HTR1E: variants seen among roughly 807,000 people sequenced by gnomAD.
The protein encoded by HTR1E is 5-hydroxytryptamine receptor 1E.
A neutral mutation model predicts 3.4 loss-of-function variants in HTR1E; 3 were observed. The observed-to-expected ratio is 0.89, with a 90% CI of 0.41 to 2.31. The LOEUF (loss-of-function observed/expected upper bound fraction) is 2.31, where lower values mean the gene tolerates loss of function less well. Ranked by LOEUF, HTR1E falls within the 30% of genes most tolerant of loss-of-function variation. The probability of loss-of-function intolerance (pLI) is 0.05; values close to 1 mark genes in which losing one functional copy is unlikely to be tolerated. For missense variants in HTR1E, 392 were observed against 467.0 expected, an observed-to-expected ratio of 0.84 and a Z score of 1.48; for synonymous variants, 170 against 182.8, an observed-to-expected ratio of 0.93 and a Z score of 0.56.
chr6:86,982,424 T>C (rs72912499), intron 1 of HTR1E, among the ~76,000 whole-genome samples: 11,277 of 152,232 alleles, frequency 0.074, 538 homozygotes, highest in East Asian at 0.15. Context: ...GAGAATTGTG[T>C]GCAGAATTTT....
intron 1 of HTR1E, among the ~76,000 whole-genome samples, chr6:86,948,779 C>T (rs1435862220): frequency 6.6e-6 from 1 of 152,058 alleles, no homozygotes; most frequent in African/African-American, 2.4e-5. Flanking sequence ...CCAAGCAGAC[C>T]AATTGGAATC....
At position 86,989,373 on chromosome 6, in the gene HTR1E, T is replaced by C. The variant is rs140303896; in HGVS notation, c.-185-25777T>C. Among the ~76,000 whole-genome samples, 608 of 152,296 alleles carry C rather than the reference T, an allele frequency of 4.0e-3. 4 individuals are homozygous for C. Among genetic ancestry groups the C allele is most frequent in the Admixed American group, 6.2e-3 (95 of 15,288 alleles). On this transcript the variant is annotated intron_variant, in intron 1 of 1. Transcript: ENST00000305344. ...CTTGGAAGATGTTTTCTGCACCAAC[T>C]TAAGAAGCTATCACAAAATCATGAT...
At chr6:86,946,930 A>C (rs1768624877) in intron 1 of HTR1E, among the ~76,000 whole-genome samples, 2 of 152,192 alleles carry the variant, frequency 1.3e-5, no homozygotes, top group Admixed American at 1.3e-4. Context: ...CAGCCTGACC[A>C]ACATGAAGAA....
rs552705780 is a variant in HTR1E at position 87,010,490 on chromosome 6, C to T, written c.-185-4660C>T. On this transcript the variant is annotated intron_variant, in intron 1 of 1. Transcript: ENST00000305344. ...AGACGGGGTCTCGGCCGGGCAGAGG[C>T]GCTCCTCACATCCCAGATGGGGCGG... Among the ~76,000 whole-genome samples the T allele has an allele frequency of 1.2e-3, 182 of 147,186 alleles. 1 individual carries two copies. The highest frequency in any genetic ancestry group is 2.0e-3 in the African/African-American group (81 of 39,790).
At chr6:86,975,501 T>A (rs1767617527) in intron 1 of HTR1E, among the ~76,000 whole-genome samples, 1 of 152,044 alleles carries the variant, frequency 6.6e-6, no homozygotes, top group African/African-American at 2.4e-5. Flanking sequence ...CCTAAGCCTG[T>A]GCATTCCCTG....
At chr6:86,996,322 A>C (rs1007313375) in intron 1 of HTR1E, among the ~76,000 whole-genome samples, 7 of 152,132 alleles carry the variant, frequency 4.6e-5, no homozygotes, top group Middle Eastern at 3.2e-3. Flanking sequence ...AAAATCTCTA[A>C]ACAGAAACTA....
At chr6:87,009,587 A>G (rs1328934502) in intron 1 of HTR1E, among the ~76,000 whole-genome samples, 48 of 148,398 alleles carry the variant, frequency 3.2e-4, no homozygotes, top group African/African-American at 1.1e-3. Flanking sequence ...CACACCTCCC[A>G]GACGGGGTGG....
At chr6:86,974,054 A>T (rs1313676317) in intron 1 of HTR1E, among the ~76,000 whole-genome samples, 2 of 151,674 alleles carry the variant, frequency 1.3e-5, no homozygotes, top group Non-Finnish European at 2.9e-5. Flanking sequence ...TTCTCCACAA[A>T]ACCCTTCTAT....
At chr6:86,995,986 A>C (rs180817483) in intron 1 of HTR1E, among the ~76,000 whole-genome samples, 1 of 152,258 alleles carries the variant, frequency 6.6e-6, no homozygotes, top group East Asian at 1.9e-4. Context: ...AGCAAAATTT[A>C]ACAGAACTGC....
At chr6:86,956,340 C>G (rs1207495229) in intron 1 of HTR1E, among the ~76,000 whole-genome samples, 1 of 152,096 alleles carries the variant, frequency 6.6e-6, no homozygotes, top group East Asian at 1.9e-4. Context: ...CTGAAGCCTG[C>G]TACTTGGAGG....
intron 1 of HTR1E, among the ~76,000 whole-genome samples, chr6:87,010,567 G>C (rs1197687558): frequency 7.2e-6 from 1 of 139,064 alleles, no homozygotes; most frequent in Non-Finnish European, 1.6e-5. Context: ...GGGCAGAGAC[G>C]CTCCTCACTT....
chr6:86,976,920 A>G (rs1767646436), intron 1 of HTR1E, among the ~76,000 whole-genome samples: 2 of 152,262 alleles, frequency 1.3e-5, no homozygotes, highest in Admixed American at 1.3e-4. Flanking sequence ...GAAACACAAT[A>G]AAACTTAAGG....
intron 1 of HTR1E, among the ~76,000 whole-genome samples, chr6:86,975,690 A>G (rs1767625827): frequency 6.6e-6 from 1 of 152,080 alleles, no homozygotes; most frequent in Non-Finnish European, 1.5e-5. Flanking sequence ...GAAAAAAGAG[A>G]TACTGGTAGG....
intron 1 of HTR1E, among the ~76,000 whole-genome samples, chr6:86,946,872 T>C (rs1768623980): frequency 6.6e-6 from 1 of 152,178 alleles, no homozygotes; most frequent in Non-Finnish European, 1.5e-5. Context: ...ATCCCAGTAC[T>C]TTGGGAAGCC....
intron 1 of HTR1E, among the ~76,000 whole-genome samples, chr6:87,001,185 T>C (rs1238540280): frequency 6.6e-6 from 1 of 151,560 alleles, no homozygotes; most frequent in Non-Finnish European, 1.5e-5. Flanking sequence ...ACACATAAAA[T>C]TAAAACATAC....
At position 87,015,884 on chromosome 6, in the gene HTR1E, A is replaced by G. The variant is rs1562076470; in HGVS notation, c.550A>G (p.Ile184Val). ...TIQHDHVIYTIYSTLGAFYIP... is the reference protein window; with the variant it reads ...TIQHDHVIYTVYSTLGAFYIP... ...CCAGCACGACCATGTTATCTACACC[A>G]TTTACTCCACGCTGGGTGCGTTTTA... is the stretch of plus-strand genomic sequence containing the variant. Residue 184 changes from isoleucine to valine, a missense_variant, in exon 2 of 2, where the codon ATT becomes GTT. Physicochemically the swap from Ile to Val is conservative, Grantham distance 29. Transcript: ENST00000305344. 2 of 1,613,364 alleles carry G rather than the reference A, an allele frequency of 1.2e-6. No individual in the cohort carries two copies.
At chr6:86,961,882 C>G (rs1767412945) in intron 1 of HTR1E, among the ~76,000 whole-genome samples, 1 of 152,146 alleles carries the variant, frequency 6.6e-6, no homozygotes, top group Admixed American at 6.5e-5. Flanking sequence ...AAATTCAGCT[C>G]CTTTGCAGAA....
At chr6:86,997,427 CATTT>C (rs924438470) in intron 1 of HTR1E, among the ~76,000 whole-genome samples, 1 of 151,660 alleles carries the variant, frequency 6.6e-6, no homozygotes, top group Non-Finnish European at 1.5e-5. Context: ...ATGACATAAT[CATTT>C]ATGAAGAAAA....
At chr6:86,956,546 G>A (rs1413174017) in intron 1 of HTR1E, among the ~76,000 whole-genome samples, 1 of 151,980 alleles carries the variant, frequency 6.6e-6, no homozygotes, top group African/African-American at 2.4e-5. Flanking sequence ...TGCCTTTCTG[G>A]ACCAAACCAA....
Sources: gnomAD v4.1 joint callset for allele counts (sites outside exome capture counted in the v4.1 genomes callset) on GRCh38, gnomAD v4.1.1 for gene constraint, MANE v1.5 for transcripts, NCBI Gene and HGNC (gene_info 2026-07-23, HGNC 2026-07-21) for gene names.